PIWIL2: variants seen among roughly 807,000 people sequenced by gnomAD.
PIWIL2 encodes the protein piwi like RNA-mediated gene silencing 2.
PIWIL2 carries 81 observed loss-of-function variants against 116.5 expected under a neutral mutation model. The observed-to-expected ratio is 0.70, with a 90% CI of 0.58 to 0.84. The LOEUF is 0.84. Ranked by LOEUF, PIWIL2 falls within the 40% of genes least tolerant of loss-of-function variation. The probability of loss-of-function intolerance (pLI) is 0.00; values close to 1 mark genes in which losing one functional copy is unlikely to be tolerated. For missense variants in PIWIL2, 1,272 were observed against 1,212.3 expected (o/e 1.05, Z -0.73); for synonymous variants, 489 against 429.5 (o/e 1.14, Z -1.71).
rs774855623 is a variant in PIWIL2 at position 22,281,442 on chromosome 8, C to G, written c.352C>G (p.Pro118Ala). ...LVRKDREELSPTFWDPKVLAA... is the reference protein window; with the variant it reads ...LVRKDREELSATFWDPKVLAA... ...ACGCAAGGACAGGGAGGAACTCTCT[C>G]CCACTTTTTGGGATCCAAAAGTGTT... Residue 118 changes from proline (P) to alanine (A), a missense_variant, in exon 4 of 23, where the codon CCC becomes GCC. By Grantham distance (27) the Pro-to-Ala change is conservative. Transcript: ENST00000356766. The G allele has an allele frequency of 6.2e-7, 1 of 1,604,404 alleles. No individual in the cohort carries two copies. Among genetic ancestry groups the G allele is most frequent in the Non-Finnish European group, 8.5e-7 (1 of 1,177,926 alleles).
At chr8:22,331,017 A>G (rs1283092597) in intron 20 of PIWIL2, among the ~76,000 whole-genome samples, 1 of 152,084 alleles carries the variant, frequency 6.6e-6, no homozygotes, top group Non-Finnish European at 1.5e-5. Context: ...TCTACCAAAA[A>G]TAGAAAAAAT....
At chr8:22,303,151 A>G (rs538615677) in intron 10 of PIWIL2, among the ~76,000 whole-genome samples, 7 of 152,244 alleles carry the variant, frequency 4.6e-5, no homozygotes, top group African/African-American at 1.2e-4. Flanking sequence ...GCAGCAGGAA[A>G]TAGTCCCTTG....
At chr8:22,344,205 G>A (rs1041516142) in intron 20 of PIWIL2, among the ~76,000 whole-genome samples, 1 of 152,206 alleles carries the variant, frequency 6.6e-6, no homozygotes, top group Admixed American at 6.5e-5. Context: ...AAAAGTGGCT[G>A]TCAAGGGTTT....
At chr8:22,305,541 C>T (rs1831155934) in intron 12 of PIWIL2, among the ~76,000 whole-genome samples, 2 of 152,108 alleles carry the variant, frequency 1.3e-5, no homozygotes, top group Admixed American at 6.6e-5. Context: ...TACCTTGTTA[C>T]CTGACTCCTC....
intron 20 of PIWIL2, among the ~76,000 whole-genome samples, chr8:22,348,887 A>T (rs1832288318): frequency 6.6e-6 from 1 of 152,156 alleles, no homozygotes; most frequent in African/African-American, 2.4e-5. Flanking sequence ...AACATTGTTG[A>T]TTATTTTTAG....
intron 10 of PIWIL2, among the ~76,000 whole-genome samples, chr8:22,298,843 G>A (rs771490914): frequency 5.9e-5 from 9 of 152,230 alleles, no homozygotes; most frequent in South Asian, 4.1e-4. Flanking sequence ...TTACTCAGGC[G>A]AGACTCTTGT....
At chr8:22,290,613 A>ATTTTTTTT (rs34573190) in intron 10 of PIWIL2, among the ~76,000 whole-genome samples, 67 of 114,078 alleles carry the variant, frequency 5.9e-4, no homozygotes, top group East Asian at 1.3e-3. Flanking sequence ...CCAATTTTTA[A>ATTTTTTTT]TTTTTTTTTT....
chr8:22,284,082 T>C (rs994141036), intron 5 of PIWIL2, 80 bp from the exon 6 acceptor site: 14 of 668,606 alleles, frequency 2.1e-5, no homozygotes, highest in Non-Finnish European at 3.6e-5. Context: ...AATCTTCTTG[T>C]TGTTGGTTGT....
chr8:22,316,188 G>T, intron 18 of PIWIL2, 57 bp from the exon 19 acceptor site: 1 of 1,001,824 alleles, frequency 1.0e-6, no homozygotes, highest in Non-Finnish European at 1.6e-6. Flanking sequence ...AATTAAAAAT[G>T]GAGGAATGCA....
intron 4 of PIWIL2, 84 bp from the exon 5 acceptor site, chr8:22,282,950 A>G: frequency 9.4e-7 from 1 of 1,062,690 alleles, no homozygotes; most frequent in Non-Finnish European, 1.5e-6. Context: ...TCCTCCAGGA[A>G]GAGATTGTGG....
intron 19 of PIWIL2, among the ~76,000 whole-genome samples, chr8:22,317,902 C>A (rs1176687655): frequency 4.6e-5 from 7 of 152,174 alleles, no homozygotes; most frequent in African/African-American, 1.4e-4. Context: ...ACCTCGTGAT[C>A]TGTCCACCTT....
In PIWIL2 at chr8:22,290,329, CTG is replaced by C; in HGVS notation, c.1169_1170del (p.Val390AlafsTer12). 1 of 1,603,912 alleles carries C rather than the reference CTG, an allele frequency of 6.2e-7. No individual in the cohort carries two copies. Among genetic ancestry groups the C allele is most frequent in the South Asian group, 1.1e-5 (1 of 90,710 alleles). ...TCTCCCATAAGGTCATTCGGAATGA[CTG>C]TGTGCTGGATGTCATGTGAGTGAAT... ...DVSHKVIRND[C>X]VLDVMHAIYQ... On this transcript the variant is annotated frameshift_variant, in exon 10 of 23. Transcript: ENST00000356766. LOFTEE classifies it high-confidence loss of function.
chr8:22,348,784 C>T (rs1832285816), intron 20 of PIWIL2, among the ~76,000 whole-genome samples: 1 of 152,140 alleles, frequency 6.6e-6, no homozygotes, highest in Non-Finnish European at 1.5e-5. Context: ...TATGTTTCAG[C>T]CTTGTGATTT....
chr8:22,347,376 A>C (rs1832251956), intron 20 of PIWIL2, among the ~76,000 whole-genome samples: 1 of 151,368 alleles, frequency 6.6e-6, no homozygotes, highest in African/African-American at 2.4e-5. Context: ...CACCACACCC[A>C]GCTAATATTT....
At chr8:22,317,014 A>T (rs1022159777) in intron 19 of PIWIL2, among the ~76,000 whole-genome samples, 3 of 152,120 alleles carry the variant, frequency 2.0e-5, no homozygotes, top group Admixed American at 6.5e-5. Context: ...TCCTGGGCTT[A>T]AGTGATCCAC....
At chr8:22,291,351 A>C (rs1043782224) in intron 10 of PIWIL2, among the ~76,000 whole-genome samples, 1 of 151,730 alleles carries the variant, frequency 6.6e-6, no homozygotes, top group African/African-American at 2.4e-5. Context: ...GGGTTTCACC[A>C]TGTTTCCCAG....
At chr8:22,327,091 G>T (rs373942411) in intron 20 of PIWIL2, among the ~76,000 whole-genome samples, 1 of 133,340 alleles carries the variant, frequency 7.5e-6, no homozygotes, top group Non-Finnish European at 1.5e-5. Context: ...GCAGTGACAC[G>T]ATCTTGGCTT....
At chr8:22,286,663 G>A (rs750741558) in intron 6 of PIWIL2, among the ~76,000 whole-genome samples, 2 of 152,016 alleles carry the variant, frequency 1.3e-5, no homozygotes, top group African/African-American at 2.4e-5. Flanking sequence ...ACTCTGTTGC[G>A]CAGGCCGGAG....
rs1283810590 is a variant in PIWIL2 at position 22,347,200 on chromosome 8, G to A, written c.2404-5759G>A. On this transcript the variant is annotated intron_variant, in intron 20 of 22. Coordinates refer to ENST00000356766, the MANE Select transcript of PIWIL2 (RefSeq NM_018068.5). The stretch of plus-strand genomic sequence containing the variant: ...AAAAAAAAAAAAAGTAGCAAATTCA[G>A]CACATTAACATAATTTTTTTTTTTT... 2.0e-5 allele frequency among the ~76,000 whole-genome samples: 3 copies of A among 146,904 alleles called. No individual in the cohort carries two copies. In the East Asian group the frequency reaches 6.0e-4, roughly 29 times the overall value.
Sources: gnomAD v4.1 joint callset for allele counts (sites outside exome capture counted in the v4.1 genomes callset) on GRCh38, gnomAD v4.1.1 for gene constraint, MANE v1.5 for transcripts, NCBI Gene and HGNC (gene_info 2026-07-23, HGNC 2026-07-21) for gene names.